The following GALNTL6 variants were observed in gnomAD, a reference collection of about 807,000 sequenced individuals.
GALNTL6 encodes polypeptide N-acetylgalactosaminyltransferase-like 6.
A neutral mutation model predicts 73.7 loss-of-function variants in GALNTL6; 46 were observed. That is an observed-to-expected ratio of 0.62 (90% confidence interval 0.49 to 0.80). The LOEUF (loss-of-function observed/expected upper bound fraction) is 0.80. Among genes scored for constraint, GALNTL6 ranks in the 30% least tolerant of loss-of-function variants. The pLI is 0.00. For synonymous variants in GALNTL6, 259 were observed against 263.7 expected, an observed-to-expected ratio of 0.98 and a Z score of 0.17; for missense variants, 604 against 755.0, an observed-to-expected ratio of 0.80 and a Z score of 2.34.
intron 10 of GALNTL6, among the ~76,000 whole-genome samples, chr4:172,984,380 C>T (rs1027106567): frequency 2.6e-5 from 4 of 152,300 alleles, no homozygotes; most frequent in African/African-American, 9.6e-5. Flanking sequence ...CAGGAGAACT[C>T]ACTCACTATA....
At chr4:172,661,169 T>G (rs760364204) in intron 5 of GALNTL6, among the ~76,000 whole-genome samples, 23 of 152,132 alleles carry the variant, frequency 1.5e-4, no homozygotes, top group Non-Finnish European at 2.5e-4. Context: ...CTCCATAATG[T>G]GGATGGGCCT....
chr4:172,326,951 A>G (rs958617376), intron 4 of GALNTL6, among the ~76,000 whole-genome samples: 17 of 152,002 alleles, frequency 1.1e-4, no homozygotes, highest in African/African-American at 3.6e-4. Context: ...AACAGTATAC[A>G]TCCTTGTCTC....
chr4:172,086,276 C>G (rs959221129), intron 2 of GALNTL6, among the ~76,000 whole-genome samples: 1 of 151,948 alleles, frequency 6.6e-6, no homozygotes, highest in Non-Finnish European at 1.5e-5. Context: ...GATCTATTTG[C>G]AATATATTCA....
At chr4:172,999,817 A>G (rs1751966601) in intron 10 of GALNTL6, among the ~76,000 whole-genome samples, 1 of 151,908 alleles carries the variant, frequency 6.6e-6, no homozygotes, top group African/African-American at 2.4e-5. Flanking sequence ...ACATTCTATC[A>G]TTAGTTCAGA....
chr4:172,946,283 C>T (rs752911074), intron 9 of GALNTL6, among the ~76,000 whole-genome samples: 7 of 152,164 alleles, frequency 4.6e-5, no homozygotes, highest in Non-Finnish European at 1.0e-4. Context: ...AATAGAAACA[C>T]TCTACTGAGG....
chr4:172,630,236 T>C (rs943782508), intron 5 of GALNTL6, among the ~76,000 whole-genome samples: 11 of 152,048 alleles, frequency 7.2e-5, no homozygotes, highest in African/African-American at 2.7e-4. Context: ...AAAGACTCAA[T>C]AAACCAAAGT....
chr4:172,882,188 A>G (rs968268092), intron 7 of GALNTL6, among the ~76,000 whole-genome samples: 2 of 152,142 alleles, frequency 1.3e-5, no homozygotes, highest in African/African-American at 4.8e-5. Context: ...TTAGGCAGAG[A>G]AGGCCTAAAA....
intron 3 of GALNTL6, among the ~76,000 whole-genome samples, chr4:172,254,454 C>T (rs1169457775): frequency 7.0e-6 from 1 of 143,234 alleles, no homozygotes; most frequent in African/African-American, 2.7e-5. Flanking sequence ...AAACCATTTT[C>T]CTCTCAGCTT....
rs1026098983 is a variant in GALNTL6 at position 172,396,200 on chromosome 4, C to CGGGCA, written c.553+47513_553+47517dup. Among the ~76,000 whole-genome samples, 8 of 152,118 alleles carry CGGGCA rather than the reference C, an allele frequency of 5.3e-5. 1 individual carries two copies. The highest frequency in any genetic ancestry group is 1.9e-4 in the African/African-American group (8 of 41,440). ...TTTCTCCTTGACCTGAGCCCTTCCTCGGGCAGTTTGAGTTTAAAAGTGTCT... is the reference window on the plus strand; with the variant it reads ...TTTCTCCTTGACCTGAGCCCTTCCTCGGGCAGGGCAGTTTGAGTTTAAAAGTGTCT... On this transcript the variant is annotated intron_variant, in intron 5 of 12. Transcript: ENST00000506823.
rs569196429 is a variant in GALNTL6 at position 172,122,301 on chromosome 4, G to A, written c.139-107355G>A. Reference sequence around the variant, plus strand: ...ATCCTGCCAAGTGTAAAAAGTAGGCGTTAAAAGGGGAAAGAGTCTCATTAT... The same window carrying A: ...ATCCTGCCAAGTGTAAAAAGTAGGCATTAAAAGGGGAAAGAGTCTCATTAT... On this transcript the variant is annotated intron_variant, in intron 2 of 12. Coordinates refer to ENST00000506823, the MANE Select transcript of GALNTL6 (RefSeq NM_001034845.3). Among the ~76,000 whole-genome samples the A allele has an allele frequency of 9.2e-5, 14 of 152,122 alleles. No individual in the cohort carries two copies. In the South Asian group the frequency reaches 2.3e-3, roughly 25 times the overall value.
intron 5 of GALNTL6, among the ~76,000 whole-genome samples, chr4:172,388,584 T>C (rs1743554001): frequency 6.6e-6 from 1 of 152,126 alleles, no homozygotes; most frequent in Non-Finnish European, 1.5e-5. Flanking sequence ...ACCTAGATTA[T>C]TTCACTGAGA....
chr4:172,354,264 T>C (rs964330366), intron 5 of GALNTL6, among the ~76,000 whole-genome samples: 7 of 152,134 alleles, frequency 4.6e-5, no homozygotes, highest in Non-Finnish European at 8.8e-5. Flanking sequence ...TATTCGTATT[T>C]AAAATGGTGA....
Position 172,366,855 on chromosome 4 carries a change from TCAG to T in GALNTL6, c.553+18167_553+18169del, listed in dbSNP as rs545971552. Among the ~76,000 whole-genome samples, 372 of 152,326 alleles carry T rather than the reference TCAG, an allele frequency of 2.4e-3. 2 individuals are homozygous for T. Among genetic ancestry groups the T allele is most frequent in the African/African-American group, 8.3e-3 (346 of 41,580 alleles). ...ATGAATATAATAATGCTACCAGCAT[TCAG>T]AAGTTGCTGGGAGGATGAAGAATAT... On this transcript the variant is annotated intron_variant, in intron 5 of 12. Transcript: ENST00000506823.
intron 5 of GALNTL6, among the ~76,000 whole-genome samples, chr4:172,551,983 G>T (rs963294630): frequency 1.4e-4 from 22 of 152,056 alleles, no homozygotes; most frequent in Non-Finnish European, 3.2e-4. Context: ...ACTGAAATAA[G>T]AAAGTCTTAT....
At chr4:172,107,684 G>A in intron 2 of GALNTL6, among the ~76,000 whole-genome samples, 1 of 115,504 alleles carries the variant, frequency 8.7e-6, no homozygotes, top group Non-Finnish European at 1.7e-5. Flanking sequence ...TGTGGGGTGG[G>A]GGGAGGGGGG....
intron 5 of GALNTL6, among the ~76,000 whole-genome samples, chr4:172,617,577 C>G (rs939857768): frequency 4.6e-5 from 7 of 151,816 alleles, no homozygotes; most frequent in Admixed American, 2.0e-4. Context: ...CCTGGGTTCA[C>G]GCCATTCTCC....
chr4:172,535,408 G>A (rs1735314223), intron 5 of GALNTL6, among the ~76,000 whole-genome samples: 1 of 152,164 alleles, frequency 6.6e-6, no homozygotes, highest in Non-Finnish European at 1.5e-5. Context: ...TTGCTTCAGA[G>A]CCACACCATG....
At chr4:172,815,553 G>T (rs1427222562) in intron 7 of GALNTL6, among the ~76,000 whole-genome samples, 1 of 152,182 alleles carries the variant, frequency 6.6e-6, no homozygotes, top group Non-Finnish European at 1.5e-5. Context: ...TAGGGGTCCT[G>T]CTTCCTGAAA....
At chr4:172,469,320 T>A (rs543761478) in intron 5 of GALNTL6, among the ~76,000 whole-genome samples, 7 of 152,192 alleles carry the variant, frequency 4.6e-5, no homozygotes, top group African/African-American at 1.7e-4. Flanking sequence ...TAAAGAAATG[T>A]TGGGGCTAGG....
Sources: allele counts gnomAD v4.1 joint callset (sites outside exome capture counted in the v4.1 genomes callset), GRCh38; gene constraint gnomAD v4.1.1; transcripts MANE v1.5; gene names NCBI Gene and HGNC (gene_info 2026-07-23, HGNC 2026-07-21).